The following SYTL2 variants were observed in gnomAD, a reference collection of about 807,000 sequenced individuals.
The protein encoded by SYTL2 is synaptotagmin-like protein 2.
SYTL2 carries 165 observed loss-of-function variants against 198.7 expected under a neutral mutation model. The ratio of observed to expected loss-of-function variants is 0.83; its 90% confidence interval spans 0.73 to 0.94. SYTL2 has a LOEUF of 0.94. Among genes scored for constraint, SYTL2 ranks in the 40% least tolerant of loss-of-function variants. The pLI is 0.00. For synonymous variants in SYTL2, 966 were observed against 917.7 expected, an observed-to-expected ratio of 1.05 and a Z score of -0.95; for missense variants, 2,835 against 2,582.8, an observed-to-expected ratio of 1.10 and a Z score of -2.12.
rs765577720 is a variant in SYTL2, at chr11:85,724,578, T to A, written c.4780A>T (p.Lys1594Ter). 1.2e-6 allele frequency: 2 copies of A among 1,613,194 alleles called. No individual in the cohort carries two copies. Among genetic ancestry groups the A allele is most frequent in the Non-Finnish European group, 1.7e-6 (2 of 1,179,722 alleles). Residue 1594 changes from lysine (K) to a stop codon, truncating the protein, a stop_gained, in exon 8 of 20, where the codon AAG becomes TAG. Coordinates refer to ENST00000359152, the MANE Select transcript of SYTL2 (RefSeq NM_206927.4). LOFTEE classifies it high-confidence loss of function. ...GTCTGCTCTGACTGTGAGGACTCCT[T>A]CTCGTGAGTTTCTTCTCTCACTGAC... ...QVSVREETHE[K>*]ESSQSEQTRF... is the part of the protein sequence containing the mutation.
chr11:85,752,917 TAAAA>T (rs1162431708), intron 2 of SYTL2, among the ~76,000 whole-genome samples: 36 of 17,698 alleles, frequency 2.0e-3, no homozygotes, highest in African/African-American at 4.4e-3. Flanking sequence ...CTGCCTTCAT[TAAAA>T]AAAAAAAAAA....
At chr11:85,733,557 G>A (rs2508346) in intron 7 of SYTL2, 1 of 159,918 alleles carries the variant, frequency 6.3e-6, no homozygotes, top group Admixed American at 6.1e-5. Flanking sequence ...GGACTAGCTG[G>A]CCTGGGCATT....
At position 85,734,368 on chromosome 11, in the gene SYTL2, T is replaced by C; in HGVS notation, c.961A>G (p.Asn321Asp). The C allele has an allele frequency of 6.2e-7, 1 of 1,614,212 alleles. No individual in the cohort carries two copies. Among genetic ancestry groups the C allele is most frequent in the Non-Finnish European group, 8.5e-7 (1 of 1,180,018 alleles). Residue 321 changes from asparagine (N) to aspartate (D), a missense_variant, in exon 7 of 20, where the codon AAC becomes GAC. Physicochemically the swap from Asn to Asp is conservative, Grantham distance 23 (BLOSUM62 1). Around this residue, in one of 3 missense-constraint regions of SYTL2, gnomAD observed 2,645 missense variants for 2,381.7 expected, o/e 1.11. Coordinates refer to ENST00000359152, the MANE Select transcript of SYTL2 (RefSeq NM_206927.4). ...GGCTCCAGGGAGTTTGGGGAAGAGT[T>C]GTCTTCTAAAGAATGCTCCTTCTCA... ...ISEKEHSLED[N>D]SSPNSLEPLK...
intron 2 of SYTL2, among the ~76,000 whole-genome samples, chr11:85,753,845 C>T (rs1308035604): frequency 6.6e-6 from 1 of 150,726 alleles, no homozygotes; most frequent in Non-Finnish European, 1.5e-5. Flanking sequence ...ATGAGCTTGG[C>T]TGTGAACAAG....
At chr11:85,714,789 A>G in intron 11 of SYTL2, 1 of 707,336 alleles carries the variant, frequency 1.4e-6, no homozygotes, top group Non-Finnish European at 1.9e-6. Context: ...GAATCAAATT[A>G]TACTGTCAGT....
In SYTL2 at chr11:85,727,044, ATT is replaced by A; in HGVS notation, c.2312_2313del (p.Gln771LeufsTer7). 1 of 1,536,370 alleles carries A rather than the reference ATT, an allele frequency of 6.5e-7. No homozygotes were observed. Among genetic ancestry groups the A allele is most frequent in the Non-Finnish European group, 8.7e-7 (1 of 1,146,936 alleles). ...GGAACCTCACCAGCTTCTTGCTGGA[ATT>A]GGACCTCAGGCTTCTTCCAAGGAGA... Reference protein sequence around the residue: ...NGSPWKKPEVQFQQEAGEVPK... With the variant: ...NGSPWKKPEVXFQQEAGEVPK... On this transcript the variant is annotated frameshift_variant, in exon 8 of 20. Coordinates refer to ENST00000359152, the MANE Select transcript of SYTL2 (RefSeq NM_206927.4). LOFTEE classifies it high-confidence loss of function.
At chr11:85,811,315 C>A (rs2093030816), upstream of SYTL2, among the ~76,000 whole-genome samples, 1 of 152,116 alleles carries the variant, frequency 6.6e-6, no homozygotes, top group Non-Finnish European at 1.5e-5. Context: ...GCCCTCTCCC[C>A]TTCCCTCCCT....
intron 9 of SYTL2, 98 bp downstream of exon 9, chr11:85,720,760 G>A (rs2088174131): frequency 1.6e-5 from 13 of 802,544 alleles, no homozygotes; most frequent in Non-Finnish European, 2.1e-5. Context: ...CCATTAGAGG[G>A]TGCAGTGCAC....
At chr11:85,706,737 T>C (rs1342207992) in intron 15 of SYTL2, among the ~76,000 whole-genome samples, 1 of 152,200 alleles carries the variant, frequency 6.6e-6, no homozygotes, top group Non-Finnish European at 1.5e-5. Context: ...CTAAGGGTTA[T>C]AGAAAGCAGA....
chr11:85,834,620 C>A, the SYTL2 span, among the ~76,000 whole-genome samples: 1 of 152,082 alleles, frequency 6.6e-6, no homozygotes, highest in Non-Finnish European at 1.5e-5. Flanking sequence ...ACATGAGATA[C>A]TCAATACTTT....
chr11:85,742,411 A>C (rs960926749), intron 4 of SYTL2, among the ~76,000 whole-genome samples: 12 of 152,174 alleles, frequency 7.9e-5, no homozygotes, highest in Non-Finnish European at 1.8e-4. Flanking sequence ...ATGAGTCTTC[A>C]TTCTGTACTC....
At position 85,726,728 on chromosome 11, in the gene SYTL2, G is replaced by T. The variant is rs1171173411; in HGVS notation, c.2630C>A (p.Ser877Tyr). 9 of 1,536,106 alleles carry T rather than the reference G, an allele frequency of 5.9e-6. No homozygotes were observed. The highest frequency in any genetic ancestry group is 7.0e-6 in the Non-Finnish European group (8 of 1,146,912). Reference protein sequence around the residue: ...QLSNSYSSNKSKETKPQIAGP... With the variant: ...QLSNSYSSNKYKETKPQIAGP... Reference sequence around the variant, plus strand: ...TGCTATTTGTGGCTTGGTCTCTTTAGATTTATTTGAGGAATAAGAATTGGA... The same window carrying T: ...TGCTATTTGTGGCTTGGTCTCTTTATATTTATTTGAGGAATAAGAATTGGA... The change falls in exon 8 of 20, where the codon TCT becomes TAT. Residue 877 changes from serine (S) to tyrosine (Y), a missense_variant. Around this residue, in one of 3 missense-constraint regions of SYTL2, gnomAD observed 2,645 missense variants for 2,381.7 expected, o/e 1.11. Transcript: ENST00000359152.
At chr11:85,753,097 G>C (rs978518865) in intron 2 of SYTL2, among the ~76,000 whole-genome samples, 2 of 151,982 alleles carry the variant, frequency 1.3e-5, no homozygotes, top group Non-Finnish European at 2.9e-5. Flanking sequence ...TGTACAGACA[G>C]ACATGAGCAG....
chr11:85,726,836 C>G lies in SYTL2; in HGVS notation c.2522G>C (p.Ser841Thr). The G allele has an allele frequency of 6.5e-7, 1 of 1,536,494 alleles. No homozygotes were observed. Among genetic ancestry groups the G allele is most frequent in the Non-Finnish European group, 8.7e-7 (1 of 1,146,986 alleles). ...ATATTCACTCTGGTCTGTAGATAAA[C>G]TGTCCATGGATGATACACCCTGTGA... Reference protein sequence around the residue: ...KKSQGVSSMDSLSTDQSEYNQ... With the variant: ...KKSQGVSSMDTLSTDQSEYNQ... The change falls in exon 8 of 20, where the codon AGT (serine) becomes ACT (threonine). Residue 841 changes from serine (S) to threonine (T), a missense_variant. By Grantham distance (58) the Ser-to-Thr change is moderately conservative (BLOSUM62 1). Transcript: ENST00000359152.
chr11:85,847,815 GT>G, the SYTL2 span, among the ~76,000 whole-genome samples: 7 of 152,074 alleles, frequency 4.6e-5, no homozygotes, highest in African/African-American at 1.4e-4. Flanking sequence ...TAATTAGTTG[GT>G]TTTTTTCCTA....
rs187573064 is a variant in SYTL2, at chr11:85,744,793, G to A, written c.389+844C>T. Among the ~76,000 whole-genome samples, 29 of 152,264 alleles carry A rather than the reference G, an allele frequency of 1.9e-4. 1 individual carries two copies. The highest frequency in any genetic ancestry group is 6.3e-4 in the African/African-American group (26 of 41,554). ...GAGGAGCTACAGGTAAAAGGCAACT[G>A]CCCCTCTCACTAAAGGGTAACAACT... On this transcript the variant is annotated intron_variant, in intron 4 of 19. Transcript: ENST00000359152.
chr11:85,697,325 A>G (rs2083547208), intron 18 of SYTL2, among the ~76,000 whole-genome samples: 1 of 152,102 alleles, frequency 6.6e-6, no homozygotes, highest in African/African-American at 2.4e-5. Flanking sequence ...TAGGCGTGAG[A>G]CACCTCGCTG....
the SYTL2 span, among the ~76,000 whole-genome samples, chr11:85,827,554 T>G: frequency 6.6e-6 from 1 of 152,202 alleles, no homozygotes; most frequent in African/African-American, 2.4e-5. Context: ...CACCCCTAAT[T>G]CCTGCCTGCC....
intron 1 of SYTL2, among the ~76,000 whole-genome samples, chr11:85,784,681 C>T (rs768132376): frequency 4.6e-5 from 7 of 152,152 alleles, no homozygotes; most frequent in Non-Finnish European, 8.8e-5. Flanking sequence ...TAAATGATAT[C>T]ATCATGCAGC....
Sources: allele counts gnomAD v4.1 joint callset (sites outside exome capture counted in the v4.1 genomes callset), GRCh38; gene constraint gnomAD v4.1.1; regional missense constraint gnomAD v4.1.1; transcripts MANE v1.5; gene names NCBI Gene and HGNC (gene_info 2026-07-23, HGNC 2026-07-21).